Variants in TAFA1 observed in about 807,000 individuals in gnomAD.
The protein encoded by TAFA1 is chemokine-like protein TAFA-1.
A neutral mutation model predicts 18.5 loss-of-function variants in TAFA1; 4 were observed. That is an observed-to-expected ratio of 0.22 (90% CI 0.11 to 0.49). The LOEUF is 0.49. Among genes scored for constraint, TAFA1 ranks in the 20% least tolerant of loss-of-function variants. The probability of loss-of-function intolerance (pLI) is 0.98; values close to 1 mark genes in which losing one functional copy is unlikely to be tolerated. For synonymous variants in TAFA1, 56 were observed against 55.2 expected (o/e 1.01, Z -0.06); for missense variants, 147 against 169.0 (o/e 0.87, Z 0.72).
the TAFA1 span, among the ~76,000 whole-genome samples, chr3:67,994,597 G>A: frequency 6.6e-6 from 1 of 152,166 alleles, no homozygotes; most frequent in African/African-American, 2.4e-5. Context: ...TTCAAAAAAG[G>A]ACATTTCCCC....
chr3:68,094,288 A>G (rs972032582), intron 2 of TAFA1, among the ~76,000 whole-genome samples: 7 of 152,080 alleles, frequency 4.6e-5, no homozygotes, highest in African/African-American at 1.7e-4. Flanking sequence ...TGAGCCAAAG[A>G]ATCCTTCTCT....
chr3:68,378,197 T>G (rs1009141812), intron 2 of TAFA1, among the ~76,000 whole-genome samples: 4 of 152,186 alleles, frequency 2.6e-5, no homozygotes, highest in African/African-American at 9.7e-5. Context: ...CCTTGAACCA[T>G]GTGCCTTGAA....
chr3:68,249,431 G>A (rs576474492), intron 2 of TAFA1, among the ~76,000 whole-genome samples: 1 of 152,138 alleles, frequency 6.6e-6, no homozygotes, highest in African/African-American at 2.4e-5. Context: ...TCAGTACCTG[G>A]TTTGAGTCAT....
intron 2 of TAFA1, among the ~76,000 whole-genome samples, chr3:68,015,532 C>T (rs1348280400): frequency 6.6e-6 from 1 of 152,164 alleles, no homozygotes; most frequent in African/African-American, 2.4e-5. Context: ...AGGTGATCCG[C>T]CCACTTAGGC....
chr3:68,366,873 G>A (rs1342078678), intron 2 of TAFA1, among the ~76,000 whole-genome samples: 1 of 152,146 alleles, frequency 6.6e-6, no homozygotes, highest in Non-Finnish European at 1.5e-5. Flanking sequence ...GAAAAACCAG[G>A]AATCATATCT....
chr3:68,504,141 G>A (rs921118902), intron 3 of TAFA1, among the ~76,000 whole-genome samples: 2 of 152,074 alleles, frequency 1.3e-5, no homozygotes, highest in Non-Finnish European at 2.9e-5. Flanking sequence ...ATAAAGCAAA[G>A]GGTAAATATT....
chr3:68,487,636 T>C (rs1224299997), intron 3 of TAFA1, among the ~76,000 whole-genome samples: 2 of 151,170 alleles, frequency 1.3e-5, no homozygotes, highest in African/African-American at 2.4e-5. Flanking sequence ...CCTGTAGTCC[T>C]AGCTACTCGG....
At chr3:68,040,849 A>G (rs930044332) in intron 2 of TAFA1, among the ~76,000 whole-genome samples, 2 of 152,218 alleles carry the variant, frequency 1.3e-5, no homozygotes, top group African/African-American at 4.8e-5. Flanking sequence ...ATTTTGTTCA[A>G]CCAATTTTTA....
At chr3:68,021,068 C>A (rs1459120063) in intron 2 of TAFA1, among the ~76,000 whole-genome samples, 1 of 151,304 alleles carries the variant, frequency 6.6e-6, no homozygotes, top group Non-Finnish European at 1.5e-5. Context: ...TGCCTGTAAT[C>A]CCAGCTACTC....
chr3:68,160,627 C>G (rs2065914132), intron 2 of TAFA1, among the ~76,000 whole-genome samples: 1 of 152,182 alleles, frequency 6.6e-6, no homozygotes, highest in Non-Finnish European at 1.5e-5. Flanking sequence ...ATCTCCAAAA[C>G]AATTATAATA....
chr3:68,501,268 A>G (rs2072654264), intron 3 of TAFA1, among the ~76,000 whole-genome samples: 1 of 151,800 alleles, frequency 6.6e-6, no homozygotes, highest in Middle Eastern at 3.4e-3. Context: ...TGCTGACTCT[A>G]TTGAAAATTG....
intron 2 of TAFA1, among the ~76,000 whole-genome samples, chr3:68,346,082 G>A: frequency 6.6e-6 from 1 of 152,140 alleles, no homozygotes; most frequent in Non-Finnish European, 1.5e-5. Flanking sequence ...TAATTGAGAA[G>A]CCAAAATATT....
At chr3:68,377,016 A>C (rs934490075) in intron 2 of TAFA1, among the ~76,000 whole-genome samples, 2 of 152,076 alleles carry the variant, frequency 1.3e-5, no homozygotes, top group Non-Finnish European at 2.9e-5. Flanking sequence ...TTCCACCATG[A>C]TTGTAAGTTT....
intron 2 of TAFA1, among the ~76,000 whole-genome samples, chr3:68,043,113 C>T (rs1705200205): frequency 6.6e-6 from 1 of 152,078 alleles, no homozygotes; most frequent in Non-Finnish European, 1.5e-5. Context: ...CTCACGTGAT[C>T]TGCCTGCCTC....
intron 2 of TAFA1, among the ~76,000 whole-genome samples, chr3:68,100,818 G>C (rs2065139170): frequency 6.6e-6 from 1 of 152,104 alleles, no homozygotes; most frequent in African/African-American, 2.4e-5. Flanking sequence ...CCTAGGAAAT[G>C]ATGTAGGAAA....
At chr3:68,337,748 G>A (rs77444554) in intron 2 of TAFA1, among the ~76,000 whole-genome samples, 2,463 of 152,194 alleles carry the variant, frequency 0.016, 33 homozygotes, top group Middle Eastern at 0.044. Flanking sequence ...ACCTTGAAAC[G>A]GTATCAGGAA....
intron 2 of TAFA1, among the ~76,000 whole-genome samples, chr3:68,052,412 A>G (rs2064482012): frequency 6.6e-6 from 1 of 152,124 alleles, no homozygotes; most frequent in Non-Finnish European, 1.5e-5. Flanking sequence ...GAGTCCTCCA[A>G]TGTCCTCACA....
At chr3:68,295,327 G>A (rs896792375) in intron 2 of TAFA1, among the ~76,000 whole-genome samples, 75 of 152,170 alleles carry the variant, frequency 4.9e-4, no homozygotes, top group African/African-American at 1.8e-3. Context: ...CAGTGGGTTG[G>A]TAGCTTTTTA....
At chr3:68,525,037 T>C (rs966056366) in intron 3 of TAFA1, among the ~76,000 whole-genome samples, 3 of 152,156 alleles carry the variant, frequency 2.0e-5, no homozygotes, top group African/African-American at 7.2e-5. Context: ...GCTAAATATA[T>C]AGCCATAAAT....
Sources: allele counts gnomAD v4.1 joint callset (sites outside exome capture counted in the v4.1 genomes callset), GRCh38; gene constraint gnomAD v4.1.1; transcripts MANE v1.5; gene names NCBI Gene and HGNC (gene_info 2026-07-23, HGNC 2026-07-21).